The following DACH1 variants were observed in gnomAD, a reference collection of about 807,000 sequenced individuals.
The protein encoded by DACH1 is dachshund homolog 1.
DACH1 carries 12 observed loss-of-function variants against 54.2 expected under a neutral mutation model. The observed-to-expected ratio is 0.22, with a 90% CI of 0.14 to 0.36. The LOEUF (loss-of-function observed/expected upper bound fraction) is 0.36, where lower values mean the gene tolerates loss of function less well. Ranked by LOEUF, DACH1 falls within the 10% of genes least tolerant of loss-of-function variation. The pLI, the probability that DACH1 is intolerant of heterozygous loss-of-function variation, is 1.00. For missense variants in DACH1, 805 were observed against 929.8 expected (o/e 0.87, Z 1.75); for synonymous variants, 386 against 366.2 (o/e 1.05, Z -0.62).
chr13:71,770,975 A>C (rs1885830059), intron 1 of DACH1, among the ~76,000 whole-genome samples: 2 of 151,556 alleles, frequency 1.3e-5, no homozygotes, highest in African/African-American at 4.8e-5. Context: ...TATTATACTG[A>C]AATGAAATCA....
At chr13:71,859,618 C>T (rs932308365) in intron 1 of DACH1, among the ~76,000 whole-genome samples, 1 of 151,756 alleles carries the variant, frequency 6.6e-6, no homozygotes, top group African/African-American at 2.4e-5. Context: ...TGGACACACT[C>T]TTAACAGATT....
chr13:71,641,863 A>G (rs1425496836), intron 2 of DACH1, among the ~76,000 whole-genome samples: 1 of 152,118 alleles, frequency 6.6e-6, no homozygotes, highest in South Asian at 2.1e-4. Flanking sequence ...GTTTGAATTT[A>G]TTTCTTTTAT....
intron 1 of DACH1, among the ~76,000 whole-genome samples, chr13:71,756,007 A>G (rs1885131807): frequency 6.6e-6 from 1 of 152,100 alleles, no homozygotes; most frequent in African/African-American, 2.4e-5. Context: ...TTTAAAGACT[A>G]AAATGCGTAA....
At chr13:71,767,424 A>G (rs970370480) in intron 1 of DACH1, among the ~76,000 whole-genome samples, 1 of 152,110 alleles carries the variant, frequency 6.6e-6, no homozygotes, top group African/African-American at 2.4e-5. Context: ...AAAATTAATC[A>G]TGGTGAATTG....
intron 2 of DACH1, among the ~76,000 whole-genome samples, chr13:71,638,530 T>C (rs574053358): frequency 6.6e-6 from 1 of 152,304 alleles, no homozygotes; most frequent in South Asian, 2.1e-4. Flanking sequence ...AACAATCTAG[T>C]TTGTTTCAGT....
chr13:71,798,357 T>C (rs1002757736), intron 1 of DACH1, among the ~76,000 whole-genome samples: 1 of 130,786 alleles, frequency 7.6e-6, no homozygotes, highest in East Asian at 3.7e-4. Flanking sequence ...TATATATATA[T>C]ATATATCCAT....
At chr13:71,757,055 A>G (rs907850954) in intron 1 of DACH1, among the ~76,000 whole-genome samples, 9 of 152,340 alleles carry the variant, frequency 5.9e-5, no homozygotes, top group African/African-American at 2.2e-4. Flanking sequence ...ATGTATTAAA[A>G]GTCCTAATAA....
rs780147904 is a variant in DACH1 at position 71,630,703 on chromosome 13, C to T, written c.979G>A (p.Ala327Thr). 25 of 1,581,512 alleles carry T rather than the reference C, an allele frequency of 1.6e-5. No individual in the cohort carries two copies. The highest frequency in any genetic ancestry group is 1.7e-4 in the Middle Eastern group (1 of 5,880). ...IIPPTGLTAA[A>T]AAAAAATNAA... ...TTGGTAGCAGCAGCAGCTGCTGCAG[C>T]GGCTGCTGTCAGACCTTAAAAGAAT... is the stretch of plus-strand genomic sequence containing the variant. The change falls in exon 3 of 11, where the codon GCT (alanine) becomes ACT (threonine). Residue 327 changes from alanine (A) to threonine (T), a missense_variant. Physicochemically the swap from Ala to Thr is moderately conservative, Grantham distance 58 (BLOSUM62 0). Coordinates refer to ENST00000613252, the MANE Select transcript of DACH1 (RefSeq NM_080759.6).
chr13:71,704,992 G>A (rs542640054), intron 1 of DACH1, among the ~76,000 whole-genome samples: 8 of 152,010 alleles, frequency 5.3e-5, no homozygotes, highest in African/African-American at 1.4e-4. Context: ...AAATAAATTC[G>A]GTAATTTCTC....
chr13:71,720,290 T>C (rs1443223745), intron 1 of DACH1, among the ~76,000 whole-genome samples: 1 of 152,168 alleles, frequency 6.6e-6, no homozygotes, highest in African/African-American at 2.4e-5. Context: ...GGCAGACATT[T>C]GGACTTCACT....
At chr13:71,694,088 G>T (rs903168269) in intron 1 of DACH1, among the ~76,000 whole-genome samples, 1 of 152,168 alleles carries the variant, frequency 6.6e-6, no homozygotes, top group Non-Finnish European at 1.5e-5. Context: ...GCAGAGGCAA[G>T]ATGGCTGACG....
At position 71,865,903 on chromosome 13, in the gene DACH1, G is replaced by T; in HGVS notation, c.848+19C>A. ...GTGGGAAGGGGCGCGGGCGGCGGGG[G>T]CTATCCCCCCCGACTCACCTTGCGT... On this transcript the variant is annotated intron_variant, in intron 1 of 10. Coordinates refer to ENST00000613252, the MANE Select transcript of DACH1 (RefSeq NM_080759.6). 1.9e-6 allele frequency: 3 copies of T among 1,575,416 alleles called. No homozygotes were observed. Among genetic ancestry groups the T allele is most frequent in the Non-Finnish European group, 1.7e-6 (2 of 1,159,440 alleles).
intron 7 of DACH1, among the ~76,000 whole-genome samples, chr13:71,483,450 TAATA>T (rs964636234): frequency 4.2e-4 from 62 of 146,934 alleles, no homozygotes; most frequent in South Asian, 8.4e-4. Flanking sequence ...AAAATTAATA[TAATA>T]AATAACAAAT....
At chr13:71,834,591 C>G (rs1044619186) in intron 1 of DACH1, among the ~76,000 whole-genome samples, 4 of 152,020 alleles carry the variant, frequency 2.6e-5, no homozygotes, top group African/African-American at 9.7e-5. Flanking sequence ...GAATTCCACA[C>G]GCTTTTTAAC....
intron 1 of DACH1, among the ~76,000 whole-genome samples, chr13:71,844,727 A>G (rs182488571): frequency 6.6e-6 from 1 of 152,188 alleles, no homozygotes; most frequent in East Asian, 1.9e-4. Flanking sequence ...CCTGGTGAAA[A>G]ACTGTTACTA....
intron 1 of DACH1, among the ~76,000 whole-genome samples, chr13:71,706,658 G>A (rs1446710795): frequency 1.3e-5 from 2 of 151,536 alleles, no homozygotes; most frequent in African/African-American, 2.4e-5. Context: ...TAATTCTCTT[G>A]GCTTGTGGTA....
intron 10 of DACH1, 90 bp from the exon 11 acceptor site, chr13:71,440,782 G>A: frequency 1.1e-5 from 12 of 1,080,980 alleles, no homozygotes; most frequent in Non-Finnish European, 1.6e-5. Flanking sequence ...TATAAAATTT[G>A]TAGTTTTTAT....
In DACH1 at chr13:71,445,800, A is replaced by G. The variant is rs553060935; in HGVS notation, c.2084-5108T>C. Among the ~76,000 whole-genome samples, 4 of 152,304 alleles carry G rather than the reference A, an allele frequency of 2.6e-5. No individual in the cohort carries two copies. In the East Asian group the frequency reaches 5.8e-4, roughly 22 times the overall value. ...TATATTGGCCCTGTAGCCCACAGTA[A>G]ATAGCTGCATGTGGACATACCCAGG... On this transcript the variant is annotated intron_variant, in intron 10 of 10. Transcript: ENST00000613252.
At chr13:71,492,244 A>G (rs549186079) in intron 6 of DACH1, among the ~76,000 whole-genome samples, 81 of 152,328 alleles carry the variant, frequency 5.3e-4, no homozygotes, top group Non-Finnish European at 1.0e-3. Flanking sequence ...ATGTAACGAC[A>G]AGTAATGTTA....
Sources: gnomAD v4.1 joint callset for allele counts (sites outside exome capture counted in the v4.1 genomes callset) on GRCh38, gnomAD v4.1.1 for gene constraint, MANE v1.5 for transcripts, NCBI Gene and HGNC (gene_info 2026-07-23, HGNC 2026-07-21) for gene names.